The following TMEM184C variants were observed in gnomAD, a reference collection of about 807,000 sequenced individuals.
TMEM184C encodes transmembrane protein 184C, also known as transmembrane protein 34.
Under a neutral mutation model 54.5 loss-of-function variants are expected in TMEM184C, and 25 were observed. The ratio of observed to expected loss-of-function variants is 0.46; its 90% CI spans 0.33 to 0.64. TMEM184C has a LOEUF of 0.64. Ranked by LOEUF, TMEM184C falls within the 30% of genes least tolerant of loss-of-function variation. The pLI, the probability that TMEM184C is intolerant of heterozygous loss-of-function variation, is 0.02. For missense variants in TMEM184C, 335 were observed against 520.3 expected, an observed-to-expected ratio of 0.64 and a Z score of 3.46; for synonymous variants, 148 against 181.5, an observed-to-expected ratio of 0.82 and a Z score of 1.49.
intron 8 of TMEM184C, among the ~76,000 whole-genome samples, 173 bp downstream of exon 8, chr4:147,633,175 C>A (rs549205571): frequency 6.6e-6 from 1 of 152,136 alleles, no homozygotes; most frequent in South Asian, 2.1e-4. Context: ...TGTAGCAGAT[C>A]CATGAATAAA....
chr4:147,621,571 A>G (rs1732709178), intron 1 of TMEM184C, among the ~76,000 whole-genome samples: 1 of 152,224 alleles, frequency 6.6e-6, no homozygotes, highest in Non-Finnish European at 1.5e-5. Flanking sequence ...GAGTTATTCT[A>G]TTACAATGTT....
intron 6 of TMEM184C, 122 bp downstream of exon 6, chr4:147,629,814 CTGAAATT>C: frequency 2.0e-6 from 1 of 502,164 alleles, no homozygotes; most frequent in Non-Finnish European, 3.2e-6. Context: ...TAAATTAAAT[CTGAAATT>C]TAATTTATAG....
chr4:147,618,191 T>C, intron 1 of TMEM184C, 112 bp downstream of exon 1: 1 of 1,453,888 alleles, frequency 6.9e-7, no homozygotes, highest in Non-Finnish European at 9.5e-7. Flanking sequence ...CCATCTAATG[T>C]AAACGAGCCT....
Position 147,636,237 on chromosome 4 carries a change from A to G in TMEM184C, c.*1803A>G, listed in dbSNP as rs1018715111. ...ATTATAAATTATACTACAAAACTAT[A>G]GTAATCAAGACAGTATGGTACTGGT... On this transcript the variant is annotated 3_prime_UTR_variant, in exon 10 of 10. Coordinates refer to ENST00000296582, the MANE Select transcript of TMEM184C (RefSeq NM_018241.3). 4.6e-5 allele frequency: 7 copies of G among 152,208 alleles called. No homozygotes were observed. Among genetic ancestry groups the G allele is most frequent in the Admixed American group, 1.3e-4 (2 of 15,286 alleles). The allele number at this position is 152,208 out of a possible 1,614,324, so 9.4% of individuals were successfully genotyped here. A position where few individuals can be genotyped will look rare whatever the true frequency, so the allele number is the denominator to read the frequency against.
Position 147,633,851 on chromosome 4 carries a change from A to G in TMEM184C, c.966A>G (p.Glu322=), listed in dbSNP as rs1732961177. The part of the protein sequence containing the change: ...FSYKPYVQEA[E]EGSCFDSFLA... ...ATAAACCATATGTCCAAGAAGCAGAAGAGGGCTCATGCTTTGATTCCTTTC... is the reference window on the plus strand; with the variant it reads ...ATAAACCATATGTCCAAGAAGCAGAGGAGGGCTCATGCTTTGATTCCTTTC... The change falls in exon 9 of 10, where the codon GAA becomes GAG. Residue 322 remains glutamate (E), a synonymous_variant. Transcript: ENST00000296582. 1.2e-6 allele frequency: 2 copies of G among 1,613,902 alleles called. No individual in the cohort carries two copies. Among genetic ancestry groups the G allele is most frequent in the African/African-American group, 2.7e-5 (2 of 74,942 alleles).
At chr4:147,632,819 T>A in intron 7 of TMEM184C, 84 bp from the exon 8 acceptor site, 1 of 1,101,666 alleles carries the variant, frequency 9.1e-7, no homozygotes, top group Non-Finnish European at 1.3e-6. Flanking sequence ...TTGCACTGGA[T>A]TTTTTTTTAA....
At chr4:147,628,513 G>A (rs1386947306) in intron 5 of TMEM184C, 78 bp downstream of exon 5, 3 of 1,144,136 alleles carry the variant, frequency 2.6e-6, no homozygotes, top group South Asian at 1.3e-5. Context: ...AGAAAACATA[G>A]TGTTAATGTG....
Position 147,625,025 on chromosome 4 carries a change from T to C in TMEM184C, c.497+16T>C. ...CTATGGGAGAGTAAGTATGTTTGGTTTAATTCTTTTATGTTTTGGTTTTTC... is the reference window on the plus strand; with the variant it reads ...CTATGGGAGAGTAAGTATGTTTGGTCTAATTCTTTTATGTTTTGGTTTTTC... On this transcript the variant is annotated intron_variant, in intron 4 of 9. Transcript: ENST00000296582. 7 of 1,611,916 alleles carry C rather than the reference T, an allele frequency of 4.3e-6. No homozygotes were observed. The highest frequency in any genetic ancestry group is 5.9e-6 in the Non-Finnish European group (7 of 1,178,680).
chr4:147,619,066 TC>T (rs1193078766), intron 1 of TMEM184C, among the ~76,000 whole-genome samples: 1 of 152,014 alleles, frequency 6.6e-6, no homozygotes, highest in Non-Finnish European at 1.5e-5. Context: ...ACGGGGTTTC[TC>T]CATGTTGGTC....
rs189256512 is a variant in TMEM184C, at chr4:147,622,519, T to C, written c.124-1315T>C. On this transcript the variant is annotated intron_variant, in intron 1 of 9. Coordinates refer to ENST00000296582, the MANE Select transcript of TMEM184C (RefSeq NM_018241.3). ...AAGTATATATGTATAGGAAAAAACA[T>C]AGTATATGCATATAGGATTTGGGAC... Among the ~76,000 whole-genome samples the C allele has an allele frequency of 2.3e-3, 344 of 152,260 alleles. 1 individual carries two copies. The highest frequency in any genetic ancestry group is 3.5e-3 in the Non-Finnish European group (236 of 68,028).
intron 4 of TMEM184C, among the ~76,000 whole-genome samples, chr4:147,626,467 C>T (rs1663311012): frequency 6.6e-6 from 1 of 152,072 alleles, no homozygotes; most frequent in Non-Finnish European, 1.5e-5. Context: ...GTGGAAGTTA[C>T]AAGCCAAGGT....
At position 147,633,000 on chromosome 4, in the gene TMEM184C, C is replaced by T; in HGVS notation, c.877C>T (p.Gln293Ter). The change falls in exon 8 of 10, where the codon CAG becomes TAG. Residue 293 changes from glutamine to a stop codon, truncating the protein, a stop_gained and splice_region_variant. Coordinates refer to ENST00000296582, the MANE Select transcript of TMEM184C (RefSeq NM_018241.3). LOFTEE classifies it high-confidence loss of function. ...QTVEAVATGL[Q>*]DFIICIEMFL... ...TGTAGAAGCTGTGGCCACCGGACTC[C>T]AGGTAAGTAGTGCCATCTCTGAATT... is the stretch of plus-strand genomic sequence containing the variant. The T allele has an allele frequency of 6.2e-7, 1 of 1,613,030 alleles. No homozygotes were observed. The highest frequency in any genetic ancestry group is 8.5e-7 in the Non-Finnish European group (1 of 1,179,396).
chr4:147,619,388 G>A (rs1732663474), intron 1 of TMEM184C, among the ~76,000 whole-genome samples: 1 of 151,796 alleles, frequency 6.6e-6, no homozygotes, highest in African/African-American at 2.4e-5. Context: ...AGTACAGACG[G>A]GGTTTCACGG....
chr4:147,624,653 C>A (rs910025842), intron 3 of TMEM184C, 151 bp from the exon 4 acceptor site: 9 of 653,890 alleles, frequency 1.4e-5, no homozygotes, highest in South Asian at 2.1e-5. Flanking sequence ...AGATTGATAG[C>A]CCTCATAATG....
At position 147,617,883 on chromosome 4, in the gene TMEM184C, A is replaced by C; in HGVS notation, c.-74A>C. 2 of 1,593,976 alleles carry C rather than the reference A, an allele frequency of 1.3e-6. No homozygotes were observed. The highest frequency in any genetic ancestry group is 1.7e-6 in the Non-Finnish European group (2 of 1,165,346). On this transcript the variant is annotated 5_prime_UTR_variant, in exon 1 of 10. Coordinates refer to ENST00000296582, the MANE Select transcript of TMEM184C (RefSeq NM_018241.3). The stretch of plus-strand genomic sequence containing the variant: ...TAGTATGCGAGTTGACAAAACAGCC[A>C]GAGAACAGGGCTCCCCATTACAATC...
chr4:147,632,762 T>A, intron 7 of TMEM184C, 141 bp from the exon 8 acceptor site: 1 of 559,452 alleles, frequency 1.8e-6, no homozygotes, highest in South Asian at 3.0e-5. Context: ...TAACATAGAG[T>A]TTCTTCAGCA....
chr4:147,629,982 CATAA>C (rs2126553023), intron 6 of TMEM184C, among the ~76,000 whole-genome samples: 1 of 150,858 alleles, frequency 6.6e-6, no homozygotes, highest in South Asian at 2.1e-4. Context: ...ATGAGTATGT[CATAA>C]ATAAAAGCAC....
intron 1 of TMEM184C, among the ~76,000 whole-genome samples, chr4:147,622,172 G>A (rs1262843156): frequency 6.6e-6 from 1 of 151,636 alleles, no homozygotes; most frequent in Non-Finnish European, 1.5e-5. Context: ...CACACTATTG[G>A]ACTCAAACCA....
At chr4:147,631,250 C>T (rs1038957852) in intron 6 of TMEM184C, 143 bp from the exon 7 acceptor site, 8 of 555,148 alleles carry the variant, frequency 1.4e-5, no homozygotes, top group Non-Finnish European at 2.2e-5. Flanking sequence ...ACTATGAAAG[C>T]TTGTTAATCT....
Sources: allele counts gnomAD v4.1 joint callset (sites outside exome capture counted in the v4.1 genomes callset), GRCh38; gene constraint gnomAD v4.1.1; transcripts MANE v1.5; gene names NCBI Gene and HGNC (gene_info 2026-07-23, HGNC 2026-07-21).